The following HEATR3 variants were observed in gnomAD, a reference collection of about 807,000 sequenced individuals.
HEATR3 encodes the protein HEAT repeat-containing protein 3.
A neutral mutation model predicts 72.8 loss-of-function variants in HEATR3; 56 were observed. The observed-to-expected ratio is 0.77, with a 90% CI of 0.62 to 0.96. HEATR3 has a LOEUF of 0.96. Among genes scored for constraint, HEATR3 ranks in the 40% least tolerant of loss-of-function variants. HEATR3 has a pLI of 0.00. For missense variants in HEATR3, 747 were observed against 831.4 expected (o/e 0.90, Z 1.25); for synonymous variants, 331 against 318.1 (o/e 1.04, Z -0.43).
chr16:50,102,485 G>T (rs1447179400), intron 14 of HEATR3, 50 bp downstream of exon 14: 4 of 1,553,758 alleles, frequency 2.6e-6, no homozygotes, highest in African/African-American at 1.4e-5. Flanking sequence ...ATTCTGTGGG[G>T]ACAAGGGTGT....
intron 6 of HEATR3, among the ~76,000 whole-genome samples, chr16:50,076,067 C>G (rs1423706039): frequency 6.6e-6 from 1 of 151,516 alleles, no homozygotes; most frequent in Non-Finnish European, 1.5e-5. Context: ...TGTCTGAATA[C>G]AGAAGTAAGA....
rs2036478746 is a variant in HEATR3 at position 50,066,052 on chromosome 16, C to CG, written c.-80_-79insG. On this transcript the variant is annotated 5_prime_UTR_variant, in exon 1 of 15. Coordinates refer to ENST00000299192, the MANE Select transcript of HEATR3 (RefSeq NM_182922.4). ...GGCCCAGCTGAGCAGCAGCAACGGA[C>CG]CTTGTTAACGGCGCGGCAGCCTCCA... is the stretch of plus-strand genomic sequence containing the variant. The CG allele has an allele frequency of 1.4e-6, 2 of 1,475,454 alleles. No homozygotes were observed. Among genetic ancestry groups the CG allele is most frequent in the South Asian group, 1.2e-5 (1 of 82,318 alleles). 91.4% of individuals were successfully genotyped at this position (1,475,454 alleles called of 1,614,324 possible).
At chr16:50,068,255 G>A (rs1015767626) in intron 2 of HEATR3, among the ~76,000 whole-genome samples, 18 of 152,148 alleles carry the variant, frequency 1.2e-4, no homozygotes, top group African/African-American at 4.3e-4. Context: ...GCTGCTTTAG[G>A]GGGTGTCATT....
chr16:50,094,487 T>C (rs1295246014), intron 11 of HEATR3, among the ~76,000 whole-genome samples: 2 of 152,216 alleles, frequency 1.3e-5, no homozygotes, highest in Non-Finnish European at 2.9e-5. Context: ...CTTGCTGTGA[T>C]TATTTTAACC....
intron 2 of HEATR3, 112 bp downstream of exon 2, chr16:50,066,651 C>G (rs1223882734): frequency 4.0e-6 from 4 of 988,874 alleles, no homozygotes; most frequent in Non-Finnish European, 5.2e-6. Flanking sequence ...GGCACTGGCC[C>G]GGTCTCCCGT....
Position 50,100,223 on chromosome 16 carries a change from T to G in HEATR3, c.1600-7T>G. 1 of 1,610,910 alleles carries G rather than the reference T, an allele frequency of 6.2e-7. No individual in the cohort carries two copies. The highest frequency in any genetic ancestry group is 8.5e-7 in the Non-Finnish European group (1 of 1,178,878). On this transcript the variant is annotated splice_region_variant and splice_polypyrimidine_tract_variant and intron_variant, in intron 12 of 14. Coordinates refer to ENST00000299192, the MANE Select transcript of HEATR3 (RefSeq NM_182922.4). Reference sequence around the variant, plus strand: ...ATTATAAATACTGTCCTCTTCTCTTTTAACAGTGCATGACTCCTGATCAGC... The same window carrying G: ...ATTATAAATACTGTCCTCTTCTCTTGTAACAGTGCATGACTCCTGATCAGC...
At chr16:50,092,405 C>T (rs542825473) in intron 11 of HEATR3, among the ~76,000 whole-genome samples, 23 of 147,370 alleles carry the variant, frequency 1.6e-4, no homozygotes, top group Admixed American at 6.8e-4. Context: ...TAAGGAACCT[C>T]TTCCAGGTCA....
At chr16:50,100,609 C>T in intron 13 of HEATR3, 1 of 463,616 alleles carries the variant, frequency 2.2e-6, no homozygotes, top group South Asian at 2.9e-5. Flanking sequence ...TCCAGAGGTA[C>T]TTTTTTAAAA....
At position 50,100,202 on chromosome 16, in the gene HEATR3, T is replaced by C. The variant is rs773732790; in HGVS notation, c.1600-28T>C. 3 of 1,599,816 alleles carry C rather than the reference T, an allele frequency of 1.9e-6. No homozygotes were observed. In the East Asian group the frequency reaches 6.7e-5, roughly 36 times the overall value. On this transcript the variant is annotated intron_variant, in intron 12 of 14. Transcript: ENST00000299192. ...ATAGAATTAATTGAGTTTAACATTA[T>C]AAATACTGTCCTCTTCTCTTTTAAC...
At chr16:50,091,490 A>T (rs1480206163) in intron 11 of HEATR3, among the ~76,000 whole-genome samples, 1 of 151,906 alleles carries the variant, frequency 6.6e-6, no homozygotes, top group Non-Finnish European at 1.5e-5. Context: ...TAATAAAAAA[A>T]TTTTAAATCA....
At chr16:50,067,150 C>A (rs189255228) in intron 2 of HEATR3, among the ~76,000 whole-genome samples, 8 of 152,014 alleles carry the variant, frequency 5.3e-5, no homozygotes, top group Non-Finnish European at 8.8e-5. Context: ...GGCCAGGAGT[C>A]CAAGGCCAAC....
chr16:50,084,330 G>C, intron 9 of HEATR3, 39 bp downstream of exon 9: 1 of 1,596,460 alleles, frequency 6.3e-7, no homozygotes, highest in Non-Finnish European at 8.5e-7. Flanking sequence ...TGGAGCATGG[G>C]AAAGGCTTAA....
At chr16:50,092,522 C>T (rs1390573308) in intron 11 of HEATR3, among the ~76,000 whole-genome samples, 6 of 148,420 alleles carry the variant, frequency 4.0e-5, no homozygotes, top group South Asian at 4.2e-4. Context: ...CTGCAAGCTC[C>T]GCCTCCCGGG....
chr16:50,090,367 A>G (rs759104083), intron 11 of HEATR3, among the ~76,000 whole-genome samples: 19 of 152,286 alleles, frequency 1.2e-4, no homozygotes, highest in African/African-American at 1.9e-4. Context: ...TTAAAAAAAA[A>G]AGAGAATTTA....
Position 50,066,659 on chromosome 16 carries a change from C to G in HEATR3, c.311+120C>G, listed in dbSNP as rs376571138. On this transcript the variant is annotated intron_variant, in intron 2 of 14. Transcript: ENST00000299192. The stretch of plus-strand genomic sequence containing the variant: ...GCCATCAGGCACTGGCCCGGTCTCC[C>G]GTTTGCAGAGATTTGAAGCCAGTCT... 51 of 938,990 alleles carry G rather than the reference C, an allele frequency of 5.4e-5. 1 individual carries two copies. The highest frequency in any genetic ancestry group is 3.7e-4 in the East Asian group (11 of 29,728). The allele number at this position is 938,990 out of a possible 1,614,324, so 58.2% of individuals were successfully genotyped here. A position where few individuals can be genotyped will look rare whatever the true frequency, so the allele number is the denominator to read the frequency against.
Position 50,078,946 on chromosome 16 carries a change from A to G in HEATR3, c.969A>G (p.Glu323=). 2 of 1,614,082 alleles carry G rather than the reference A, an allele frequency of 1.2e-6. No homozygotes were observed. Among genetic ancestry groups the G allele is most frequent in the Non-Finnish European group, 1.7e-6 (2 of 1,179,988 alleles). The change falls in exon 7 of 15, where the codon GAA becomes GAG. Residue 323 remains glutamate, a synonymous_variant. Transcript: ENST00000299192. ...ACACTAATGGGGATGATTTGATTGA[A>G]GATGATGAAATGGAAGGAATTTCTC... The part of the protein sequence containing the change: ...LENTNGDDLI[E]DDEMEGISHK...
chr16:50,086,200 T>C lies in HEATR3; in HGVS notation c.1374-15T>C, dbSNP rs1482810065. 5 of 1,565,902 alleles carry C rather than the reference T, an allele frequency of 3.2e-6. No individual in the cohort carries two copies. Among genetic ancestry groups the C allele is most frequent in the African/African-American group, 1.4e-5 (1 of 73,800 alleles). On this transcript the variant is annotated splice_polypyrimidine_tract_variant and intron_variant, in intron 10 of 14. Coordinates refer to ENST00000299192, the MANE Select transcript of HEATR3 (RefSeq NM_182922.4). ...TTCTGGAGAATCAGATGGCATTGTT[T>C]CACTTCCTTTCCAGAATGAACACTA...
Position 50,066,202 on chromosome 16 carries a change from C to T in HEATR3, c.71C>T (p.Ala24Val), listed in dbSNP as rs756382903. 2.1e-5 allele frequency: 33 copies of T among 1,580,416 alleles called. No individual in the cohort carries two copies. The highest frequency in any genetic ancestry group is 2.7e-5 in the Non-Finnish European group (31 of 1,164,728). The change falls in exon 1 of 15, where the codon GCG becomes GTG. Residue 24 changes from alanine (A) to valine (V), a missense_variant. Around this residue, in one of 2 missense-constraint regions of HEATR3, gnomAD observed 161 missense variants for 122.6 expected, o/e 1.31. Coordinates refer to ENST00000299192, the MANE Select transcript of HEATR3 (RefSeq NM_182922.4). ...FSPTGDCQAE[A>V]AAAANGTGGE... ...CCTACGGGCGACTGTCAGGCCGAGG[C>T]GGCTGCGGCGGCGAATGGGACCGGA...
At chr16:50,097,813 G>A (rs1388366156) in intron 12 of HEATR3, among the ~76,000 whole-genome samples, 1 of 152,050 alleles carries the variant, frequency 6.6e-6, no homozygotes, top group African/African-American at 2.4e-5. Flanking sequence ...TACTTGGGAG[G>A]CTGAGGCAGG....
Sources: allele counts gnomAD v4.1 joint callset (sites outside exome capture counted in the v4.1 genomes callset), GRCh38; gene constraint gnomAD v4.1.1; regional missense constraint gnomAD v4.1.1; transcripts MANE v1.5; gene names NCBI Gene and HGNC (gene_info 2026-07-23, HGNC 2026-07-21).